CNTN3: variants seen among roughly 807,000 people sequenced by gnomAD.
The protein encoded by CNTN3 is contactin 3.
Under a neutral mutation model 119.1 loss-of-function variants are expected in CNTN3, and 60 were observed. The observed-to-expected ratio is 0.50, with a 90% CI of 0.41 to 0.62. The LOEUF (loss-of-function observed/expected upper bound fraction) is 0.62. Ranked by LOEUF, CNTN3 falls within the 20% of genes least tolerant of loss-of-function variation. The pLI is 0.00. For missense variants in CNTN3, 1,101 were observed against 1,242.4 expected (o/e 0.89, Z 1.71); for synonymous variants, 450 against 438.7 (o/e 1.03, Z -0.32).
intron 1 of CNTN3, among the ~76,000 whole-genome samples, chr3:74,552,642 G>A (rs1038355434): frequency 1.2e-4 from 18 of 152,164 alleles, no homozygotes; most frequent in African/African-American, 3.9e-4. Context: ...TGTCCCTACC[G>A]AAATCTCATC....
chr3:74,457,258 A>C (rs1464526221), intron 4 of CNTN3, among the ~76,000 whole-genome samples: 1 of 152,036 alleles, frequency 6.6e-6, no homozygotes, highest in Non-Finnish European at 1.5e-5. Context: ...CAAAAGTCTA[A>C]TTTACTCCTA....
intron 1 of CNTN3, among the ~76,000 whole-genome samples, chr3:74,558,965 A>G (rs1704110618): frequency 7.5e-6 from 1 of 132,694 alleles, no homozygotes; most frequent in Non-Finnish European, 1.6e-5. Flanking sequence ...CCTGGGTGAC[A>G]GAGTGAGACC....
intron 2 of CNTN3, among the ~76,000 whole-genome samples, chr3:74,509,706 A>G (rs1703330419): frequency 6.6e-6 from 1 of 151,914 alleles, no homozygotes; most frequent in South Asian, 2.1e-4. Flanking sequence ...TTTTGGTACC[A>G]CCGTTTTGGA....
At chr3:74,566,410 T>C (rs142484493) in intron 1 of CNTN3, among the ~76,000 whole-genome samples, 85 of 152,270 alleles carry the variant, frequency 5.6e-4, no homozygotes, top group African/African-American at 2.0e-3. Context: ...ATGTATTCTC[T>C]CAATGTTATA....
At chr3:74,611,179 C>T (rs190890900) in intron 1 of CNTN3, among the ~76,000 whole-genome samples, 4 of 152,274 alleles carry the variant, frequency 2.6e-5, no homozygotes, top group Admixed American at 2.6e-4. Flanking sequence ...TATGCAAACT[C>T]ACTGAATTAT....
intron 11 of CNTN3, among the ~76,000 whole-genome samples, chr3:74,343,777 C>G (rs906740287): frequency 6.6e-6 from 1 of 152,224 alleles, no homozygotes; most frequent in Admixed American, 6.5e-5. Context: ...AAAATGCCCA[C>G]TGCCGGGCCC....
intron 5 of CNTN3, among the ~76,000 whole-genome samples, chr3:74,397,396 C>A (rs896637829): frequency 6.6e-6 from 1 of 152,108 alleles, no homozygotes; most frequent in African/African-American, 2.4e-5. Context: ...ATCTATTCTG[C>A]AGCCCGTGTT....
At chr3:74,447,270 A>C (rs1312793362) in intron 4 of CNTN3, among the ~76,000 whole-genome samples, 1 of 152,168 alleles carries the variant, frequency 6.6e-6, no homozygotes, top group Non-Finnish European at 1.5e-5. Flanking sequence ...CAGTAGGAGG[A>C]CTACTGAACA....
intron 5 of CNTN3, among the ~76,000 whole-genome samples, chr3:74,379,526 G>A (rs1435893772): frequency 1.3e-5 from 2 of 152,102 alleles, no homozygotes; most frequent in African/African-American, 4.8e-5. Flanking sequence ...CAACTGAAGT[G>A]CTTACCTTCA....
chr3:74,394,362 G>A (rs1263616028), intron 5 of CNTN3, among the ~76,000 whole-genome samples: 1 of 152,150 alleles, frequency 6.6e-6, no homozygotes, highest in African/African-American at 2.4e-5. Context: ...TGATTTTGAA[G>A]CAGTGTATTA....
intron 5 of CNTN3, among the ~76,000 whole-genome samples, chr3:74,376,688 C>T (rs574896540): frequency 2.0e-5 from 3 of 152,202 alleles, no homozygotes; most frequent in East Asian, 1.9e-4. Flanking sequence ...CCCAAACTCT[C>T]CCTGACACCC....
At chr3:74,451,385 T>C (rs1207031975) in intron 4 of CNTN3, among the ~76,000 whole-genome samples, 1 of 152,180 alleles carries the variant, frequency 6.6e-6, no homozygotes, top group African/African-American at 2.4e-5. Flanking sequence ...TGTAAATTTG[T>C]TTCAGTTCAT....
intron 4 of CNTN3, among the ~76,000 whole-genome samples, chr3:74,468,472 C>A (rs1249161941): frequency 6.6e-6 from 1 of 152,042 alleles, no homozygotes; most frequent in Admixed American, 6.6e-5. Flanking sequence ...TCATCGGTAC[C>A]AAAGAGTCTA....
Position 74,338,497 on chromosome 3 carries a change from T to TGC in CNTN3, c.1365-1840_1365-1839insGC, listed in dbSNP as rs66807044. On this transcript the variant is annotated intron_variant, in intron 11 of 22. Coordinates refer to ENST00000263665, the MANE Select transcript of CNTN3 (RefSeq NM_020872.3). ...ATGTGCGTATGTGTACACACGTGCG[T>TGC]GTGTGTGTGTATACACATATGTGTG... Among the ~76,000 whole-genome samples the TGC allele has an allele frequency of 3.7e-3, 559 of 149,260 alleles. 2 individuals are homozygous for TGC. Among genetic ancestry groups the TGC allele is most frequent in the Middle Eastern group, 0.01 (3 of 288 alleles).
rs765023060 is a variant in CNTN3 at position 74,614,409 on chromosome 3, C to A, written c.-99G>T. Among the ~76,000 whole-genome samples, 8 of 149,992 alleles carry A rather than the reference C, an allele frequency of 5.3e-5. No individual in the cohort carries two copies. The highest frequency in any genetic ancestry group is 1.9e-4 in the African/African-American group (8 of 41,138). On this transcript the variant is annotated 5_prime_UTR_variant, in exon 1 of 23. Transcript: ENST00000263665. ...GACTTACCTGGTCTCTGCAGCTCGC[C>A]AGACGCCCGCCCCGACGGCCCACTC...
At chr3:74,587,157 T>C (rs543469132) in intron 1 of CNTN3, among the ~76,000 whole-genome samples, 2 of 152,018 alleles carry the variant, frequency 1.3e-5, no homozygotes, top group East Asian at 1.9e-4. Context: ...ATAAGAGTAA[T>C]GTAATGTGGG....
chr3:74,315,103 T>C (rs1702796383), intron 13 of CNTN3, among the ~76,000 whole-genome samples: 2 of 152,190 alleles, frequency 1.3e-5, no homozygotes, highest in South Asian at 2.1e-4. Context: ...CTAATTATAA[T>C]GCATTAGCAT....
chr3:74,449,570 A>G (rs1702109659), intron 4 of CNTN3, among the ~76,000 whole-genome samples: 1 of 152,130 alleles, frequency 6.6e-6, no homozygotes, highest in Admixed American at 6.6e-5. Flanking sequence ...TATAAAGCAC[A>G]TATAAAAATA....
At chr3:74,462,115 C>T (rs1211207449) in intron 4 of CNTN3, among the ~76,000 whole-genome samples, 1 of 152,122 alleles carries the variant, frequency 6.6e-6, no homozygotes, top group East Asian at 1.9e-4. Flanking sequence ...AACATCCCCT[C>T]TCACTCTCTC....
Sources: gnomAD v4.1 joint callset for allele counts (sites outside exome capture counted in the v4.1 genomes callset) on GRCh38, gnomAD v4.1.1 for gene constraint, MANE v1.5 for transcripts, NCBI Gene and HGNC (gene_info 2026-07-23, HGNC 2026-07-21) for gene names.